Variants in OPCML observed in about 807,000 individuals in gnomAD.
OPCML encodes the protein opioid binding protein/cell adhesion molecule like, also known as opioid-binding protein/cell adhesion molecule.
OPCML carries 13 observed loss-of-function variants against 37.8 expected under a neutral mutation model. The observed-to-expected ratio is 0.34, with a 90% CI of 0.22 to 0.55. OPCML has a LOEUF of 0.55. OPCML is among the 20% of genes least tolerant of loss of function. The pLI, the probability that OPCML is intolerant of heterozygous loss-of-function variation, is 0.91. For synonymous variants in OPCML, 176 were observed against 168.8 expected (o/e 1.04, Z -0.33); for missense variants, 341 against 435.6 (o/e 0.78, Z 1.93).
intron 2 of OPCML, among the ~76,000 whole-genome samples, chr11:132,918,347 A>G (rs989222883): frequency 1.3e-5 from 2 of 152,124 alleles, no homozygotes; most frequent in African/African-American, 4.8e-5. Flanking sequence ...GAACATTCCC[A>G]TCCTGCTGCA....
At chr11:132,486,837 C>T (rs2096201446) in intron 4 of OPCML, among the ~76,000 whole-genome samples, 1 of 152,140 alleles carries the variant, frequency 6.6e-6, no homozygotes, top group Non-Finnish European at 1.5e-5. Flanking sequence ...CAAGGAGAGC[C>T]TGTGAAACAA....
At chr11:132,857,825 T>C (rs116043154) in intron 2 of OPCML, among the ~76,000 whole-genome samples, 32 of 152,338 alleles carry the variant, frequency 2.1e-4, no homozygotes, top group African/African-American at 6.7e-4. Context: ...GTGGAAGTAT[T>C]GCTGCATATC....
intron 2 of OPCML, among the ~76,000 whole-genome samples, chr11:132,884,937 C>T (rs1033598626): frequency 6.6e-6 from 1 of 152,150 alleles, no homozygotes. Flanking sequence ...AGAGGTGCAC[C>T]TGATTGAATA....
intron 1 of OPCML, among the ~76,000 whole-genome samples, chr11:133,262,085 CAAAT>C (rs1592149173): frequency 6.6e-6 from 1 of 152,108 alleles, no homozygotes; most frequent in South Asian, 2.1e-4. Context: ...TTTTAGTTGA[CAAAT>C]AAAAATTATA....
At chr11:133,091,854 T>C (rs1202064421) in intron 1 of OPCML, among the ~76,000 whole-genome samples, 4 of 152,168 alleles carry the variant, frequency 2.6e-5, no homozygotes, top group Non-Finnish European at 5.9e-5. Flanking sequence ...GAGTTGATGC[T>C]GAAATGCATT....
chr11:133,039,621 A>C (rs1947848044), intron 1 of OPCML, among the ~76,000 whole-genome samples: 1 of 152,216 alleles, frequency 6.6e-6, no homozygotes, highest in Non-Finnish European at 1.5e-5. Flanking sequence ...CCCAGATGCC[A>C]GGACCAGGGA....
intron 3 of OPCML, among the ~76,000 whole-genome samples, chr11:132,541,325 C>T (rs1349881267): frequency 6.6e-6 from 1 of 152,166 alleles, no homozygotes; most frequent in Non-Finnish European, 1.5e-5. Context: ...CTCTTATTCA[C>T]AGTGTGACCT....
chr11:132,635,054 AT>A (rs1488796856), intron 3 of OPCML, among the ~76,000 whole-genome samples: 9 of 152,182 alleles, frequency 5.9e-5, no homozygotes, highest in Non-Finnish European at 5.9e-5. Flanking sequence ...GAAATCCAAT[AT>A]CATTTTTAAC....
intron 4 of OPCML, among the ~76,000 whole-genome samples, chr11:132,467,191 T>C (rs2096122692): frequency 6.6e-6 from 1 of 152,174 alleles, no homozygotes; most frequent in Non-Finnish European, 1.5e-5. Flanking sequence ...AGGCTCATTG[T>C]TCTGCAGGCA....
At chr11:133,260,009 C>T (rs887133023) in intron 1 of OPCML, among the ~76,000 whole-genome samples, 7 of 151,844 alleles carry the variant, frequency 4.6e-5, no homozygotes, top group Non-Finnish European at 8.8e-5. Context: ...ATATGGGCAT[C>T]GGTAACAAAC....
At chr11:133,203,801 G>T (rs185536411) in intron 1 of OPCML, among the ~76,000 whole-genome samples, 5 of 152,210 alleles carry the variant, frequency 3.3e-5, no homozygotes, top group Admixed American at 1.3e-4. Context: ...GCTTACTCCT[G>T]TAATCCCAGT....
At chr11:133,099,616 G>T (rs1949057811) in intron 1 of OPCML, among the ~76,000 whole-genome samples, 2 of 151,860 alleles carry the variant, frequency 1.3e-5, no homozygotes, top group South Asian at 4.2e-4. Flanking sequence ...ATTCTGACCT[G>T]GTGTGAGATG....
At chr11:132,457,711 C>T (rs1444428041) in intron 4 of OPCML, among the ~76,000 whole-genome samples, 1 of 152,206 alleles carries the variant, frequency 6.6e-6, no homozygotes, top group African/African-American at 2.4e-5. Context: ...CCATGGCCTG[C>T]CACCCAGATT....
intron 3 of OPCML, among the ~76,000 whole-genome samples, chr11:132,576,764 C>T (rs1354802833): frequency 1.3e-5 from 2 of 152,146 alleles, no homozygotes; most frequent in Non-Finnish European, 2.9e-5. Flanking sequence ...GGAGACGACT[C>T]CTACCAATCA....
chr11:132,934,290 A>G lies in OPCML; in HGVS notation c.146+8636T>C, dbSNP rs550371552. 1.1e-4 allele frequency among the ~76,000 whole-genome samples: 16 copies of G among 152,282 alleles called. No individual in the cohort carries two copies. In the East Asian group the frequency reaches 3.1e-3, roughly 29 times the overall value. On this transcript the variant is annotated intron_variant, in intron 2 of 7. Transcript: ENST00000524381. Reference sequence around the variant, plus strand: ...GACAAGGCAGGGTACCCAGTCACCCAGGGCCTGGGGTAGGTCCAGCGTGGA... The same window carrying G: ...GACAAGGCAGGGTACCCAGTCACCCGGGGCCTGGGGTAGGTCCAGCGTGGA...
intron 1 of OPCML, among the ~76,000 whole-genome samples, chr11:133,207,855 C>T (rs1939161870): frequency 6.6e-6 from 1 of 152,144 alleles, no homozygotes; most frequent in South Asian, 2.1e-4. Context: ...TTCCTTCCTG[C>T]CGTAGTTCTC....
intron 1 of OPCML, among the ~76,000 whole-genome samples, chr11:133,414,029 G>C (rs1388132830): frequency 6.6e-6 from 1 of 152,176 alleles, no homozygotes; most frequent in Non-Finnish European, 1.5e-5. Flanking sequence ...TGTGTGCTTA[G>C]AGCCAGGCAG....
intron 2 of OPCML, among the ~76,000 whole-genome samples, chr11:132,748,283 G>A (rs1313930845): frequency 6.6e-6 from 1 of 152,008 alleles, no homozygotes; most frequent in Non-Finnish European, 1.5e-5. Context: ...TGGGTTTATG[G>A]AATCCTGTTT....
In OPCML at chr11:132,479,760, G is replaced by A. The variant is rs546734346; in HGVS notation, c.506-42401C>T. On this transcript the variant is annotated intron_variant, in intron 4 of 7. Coordinates refer to ENST00000524381, the MANE Select transcript of OPCML (RefSeq NM_001012393.5). Reference sequence around the variant, plus strand: ...TAACTGGGAGGCACCCCCCAGCAGGGGCAGACTGACACCTCACAGGGCCGG... The same window carrying A: ...TAACTGGGAGGCACCCCCCAGCAGGAGCAGACTGACACCTCACAGGGCCGG... 5.9e-5 allele frequency among the ~76,000 whole-genome samples: 9 copies of A among 152,230 alleles called. No homozygotes were observed. In the South Asian group the frequency reaches 1.5e-3, roughly 25 times the overall value.
Sources: allele counts gnomAD v4.1 joint callset (sites outside exome capture counted in the v4.1 genomes callset), GRCh38; gene constraint gnomAD v4.1.1; transcripts MANE v1.5; gene names NCBI Gene and HGNC (gene_info 2026-07-23, HGNC 2026-07-21).